The following ZFHX3 variants were observed in gnomAD, a reference collection of about 807,000 sequenced individuals.
ZFHX3 encodes the protein zinc finger homeobox protein 3.
In ZFHX3, 42 loss-of-function variants were observed where a neutral mutation model predicts 279.1. The observed-to-expected ratio is 0.15, with a 90% CI of 0.12 to 0.19. The LOEUF (loss-of-function observed/expected upper bound fraction) is 0.19, where lower values mean the gene tolerates loss of function less well. Among genes scored for constraint, ZFHX3 ranks in the 10% least tolerant of loss-of-function variants. ZFHX3 has a pLI of 1.00. For missense variants in ZFHX3, 4,981 were observed against 4,754.0 expected (o/e 1.05, Z -1.40); for synonymous variants, 2,293 against 1,957.8 (o/e 1.17, Z -4.52).
At chr16:73,581,159 C>G (rs2051857139) in intron 2 of ZFHX3, among the ~76,000 whole-genome samples, 1 of 151,316 alleles carries the variant, frequency 6.6e-6, no homozygotes, top group South Asian at 2.1e-4. Flanking sequence ...AAGCAACGGT[C>G]AAACTACTGG....
intron 4 of ZFHX3, among the ~76,000 whole-genome samples, chr16:73,287,560 GTGGGTCGGTGTGTGGCTGTA>G (rs2143085981): frequency 2.0e-5 from 3 of 148,236 alleles, no homozygotes; most frequent in African/African-American, 5.0e-5. Context: ...GTGTGGCTGT[GTGGGTCGGTGTGTGGCTGTA>G]TGGGTTGGTG....
intron 2 of ZFHX3, among the ~76,000 whole-genome samples, chr16:73,525,830 T>G (rs1460042827): frequency 6.6e-6 from 1 of 152,200 alleles, no homozygotes; most frequent in Non-Finnish European, 1.5e-5. Flanking sequence ...TGAGCTAACA[T>G]AATTCTCAAG....
chr16:73,557,888 A>T (rs116947948), intron 2 of ZFHX3, among the ~76,000 whole-genome samples: 10,959 of 152,126 alleles, frequency 0.072, 473 homozygotes, highest in Non-Finnish European at 0.096. Flanking sequence ...GGATGGGCTA[A>T]AAAATGAAAT....
Position 73,436,737 on chromosome 16 carries a change from A to C in ZFHX3, c.-1291+19266T>G, listed in dbSNP as rs115325031. ...GTGCTGTTCTTTGTGACTTTGATGC[A>C]AGGAAGCCAGGTGACATCCTGGCTG... On this transcript the variant is annotated intron_variant, in intron 3 of 17. Coordinates refer to the ZFHX3 transcript ENST00000641206. Among the ~76,000 whole-genome samples the C allele has an allele frequency of 5.2e-3, 774 of 149,102 alleles. 5 individuals carry two copies. Among genetic ancestry groups the C allele is most frequent in the African/African-American group, 0.018 (731 of 40,978 alleles).
intron 5 of ZFHX3, among the ~76,000 whole-genome samples, chr16:73,156,195 G>A (rs1967077799): frequency 7.2e-6 from 1 of 138,250 alleles, no homozygotes; most frequent in Non-Finnish European, 1.5e-5. Context: ...GCGCACCACT[G>A]CACTCCAGCC....
intron 3 of ZFHX3, among the ~76,000 whole-genome samples, chr16:73,422,209 T>C (rs1278015911): frequency 6.6e-6 from 1 of 152,084 alleles, no homozygotes; most frequent in Non-Finnish European, 1.5e-5. Flanking sequence ...TTTTTTTTTT[T>C]TTTCTATTTG....
At chr16:72,974,349 A>C (rs12325558) in intron 1 of ZFHX3, among the ~76,000 whole-genome samples, 76,214 of 151,920 alleles carry the variant, frequency 0.5, 19,555 homozygotes, top group Admixed American at 0.57. Flanking sequence ...AATGGGGAAA[A>C]CCTGTAAGGG....
At chr16:73,809,033 T>C (rs1960358016) in intron 1 of ZFHX3, among the ~76,000 whole-genome samples, 1 of 152,168 alleles carries the variant, frequency 6.6e-6, no homozygotes, top group Non-Finnish European at 1.5e-5. Flanking sequence ...GTTTCTGTAA[T>C]GCATTTGTAA....
chr16:73,631,954 C>T lies in ZFHX3; in HGVS notation c.-1547+48226G>A, dbSNP rs1004015250. On this transcript the variant is annotated intron_variant, in intron 2 of 17. Transcript: ENST00000641206. Reference sequence around the variant, plus strand: ...ACACACACACACACACACACACACACACACACAAAGTTTTGCATCTCTAAT... The same window carrying T: ...ACACACACACACACACACACACACATACACACAAAGTTTTGCATCTCTAAT... Among the ~76,000 whole-genome samples the T allele has an allele frequency of 8.7e-5, 9 of 103,234 alleles. No homozygotes were observed. In the East Asian group the frequency reaches 2.5e-3, roughly 29 times the overall value. The allele number at this position is 103,234 out of a possible 152,430, so 67.7% of individuals were successfully genotyped here. A position where few individuals can be genotyped will look rare whatever the true frequency, so the allele number is the denominator to read the frequency against.
chr16:73,842,918 T>G (rs1464472616), intron 1 of ZFHX3, among the ~76,000 whole-genome samples: 1 of 151,622 alleles, frequency 6.6e-6, no homozygotes, highest in African/African-American at 2.4e-5. Flanking sequence ...TTTCTAACAC[T>G]TATTTTTCTT....
intron 1 of ZFHX3, among the ~76,000 whole-genome samples, chr16:73,039,358 C>T (rs1357190587): frequency 1.3e-5 from 2 of 152,170 alleles, no homozygotes; most frequent in Admixed American, 1.3e-4. Context: ...CTGCTCAACT[C>T]CCAGGCTGCA....
At chr16:73,483,351 A>AAAG (rs2018907086) in intron 2 of ZFHX3, 10 of 434,784 alleles carry the variant, frequency 2.3e-5, no homozygotes, top group Admixed American at 2.3e-4. Flanking sequence ...GAGAGAGAGA[A>AAAG]AGAGAGAGAG....
chr16:73,151,172 G>A (rs1160214002), intron 5 of ZFHX3, among the ~76,000 whole-genome samples: 1 of 152,084 alleles, frequency 6.6e-6, no homozygotes, highest in Non-Finnish European at 1.5e-5. Flanking sequence ...TGCTAAGGGC[G>A]ACCAAATCCC....
chr16:72,855,207 A>T (rs1189798842), intron 4 of ZFHX3, among the ~76,000 whole-genome samples: 7 of 152,194 alleles, frequency 4.6e-5, no homozygotes, highest in Admixed American at 4.6e-4. Context: ...TGGATGGCAA[A>T]TTGCACCAAC....
intron 4 of ZFHX3, among the ~76,000 whole-genome samples, chr16:73,295,146 C>T (rs1409085598): frequency 6.6e-6 from 1 of 152,088 alleles, no homozygotes; most frequent in Non-Finnish European, 1.5e-5. Flanking sequence ...ACCCGGGAGG[C>T]GGAGCTTGCA....
intron 5 of ZFHX3, among the ~76,000 whole-genome samples, chr16:73,217,959 T>C (rs2144917187): frequency 6.6e-6 from 1 of 152,260 alleles, no homozygotes; most frequent in Admixed American, 6.5e-5. Flanking sequence ...ACAATATTTA[T>C]TAGGGATTGA....
In ZFHX3 at chr16:72,889,916, T is replaced by C. The variant is rs201057960; in HGVS notation, c.3263A>G (p.Tyr1088Cys). ...GGAGTAGTTGCACAGAACGCAGTGG[T>C]AGTAGCAGCTCTCACCTTCTACACC... ...ESGVEGESCY[Y>C]HCVLCNYSTK... The change falls in exon 4 of 10, where the codon TAC (tyrosine) becomes TGC (cysteine). Residue 1088 changes from tyrosine (Y) to cysteine (C), a missense_variant. By Grantham distance (194) the Tyr-to-Cys change is radical. This residue lies in a region of ZFHX3 where 1,751 missense variants were observed against 1,770.0 expected (regional missense o/e 0.99). Coordinates refer to ENST00000268489, the MANE Select transcript of ZFHX3 (RefSeq NM_006885.4). 4 of 1,614,114 alleles carry C rather than the reference T, an allele frequency of 2.5e-6. No homozygotes were observed. The East Asian group carries it at 6.7e-5, about 27-fold the overall frequency.
At chr16:73,712,886 T>C (rs1187042706) in intron 1 of ZFHX3, among the ~76,000 whole-genome samples, 2 of 152,202 alleles carry the variant, frequency 1.3e-5, no homozygotes, top group Admixed American at 1.3e-4. Flanking sequence ...CTGGAGAGAC[T>C]ACAGGCCATT....
chr16:73,774,580 C>T (rs1343287572), intron 1 of ZFHX3, among the ~76,000 whole-genome samples: 1 of 152,142 alleles, frequency 6.6e-6, no homozygotes, highest in Admixed American at 6.6e-5. Context: ...AACAAATATG[C>T]TTGTCTATGC....
Sources: allele counts gnomAD v4.1 joint callset (sites outside exome capture counted in the v4.1 genomes callset), GRCh38; gene constraint gnomAD v4.1.1; regional missense constraint gnomAD v4.1.1; transcripts MANE v1.5; gene names NCBI Gene and HGNC (gene_info 2026-07-23, HGNC 2026-07-21).